Variants in FASLG observed in about 807,000 individuals in gnomAD.
FASLG encodes tumor necrosis factor ligand superfamily member 6.
Under a neutral mutation model 24.6 loss-of-function variants are expected in FASLG, and 9 were observed. That is an observed-to-expected ratio of 0.37 (90% CI 0.22 to 0.64). The LOEUF (loss-of-function observed/expected upper bound fraction) is 0.64. Ranked by LOEUF, FASLG falls within the 30% of genes least tolerant of loss-of-function variation. FASLG has a pLI of 0.64. For missense variants in FASLG, 306 were observed against 345.3 expected, an observed-to-expected ratio of 0.89 and a Z score of 0.90; for synonymous variants, 130 against 135.5, an observed-to-expected ratio of 0.96 and a Z score of 0.28.
intron 2 of FASLG, 34 bp downstream of exon 2, chr1:172,660,174 A>G (rs1360675836): frequency 1.2e-6 from 2 of 1,602,874 alleles, no homozygotes; most frequent in Non-Finnish European, 1.7e-6. Context: ...TTGAGTTCCC[A>G]AAGATGATCC....
chr1:172,661,069 G>A (rs1659126369), intron 2 of FASLG, among the ~76,000 whole-genome samples: 1 of 152,216 alleles, frequency 6.6e-6, no homozygotes, highest in Non-Finnish European at 1.5e-5. Context: ...GGGCTAGAAG[G>A]AACACAGGCT....
intron 2 of FASLG, among the ~76,000 whole-genome samples, chr1:172,661,840 T>C (rs1360724098): frequency 2.6e-5 from 4 of 152,194 alleles, no homozygotes; most frequent in East Asian, 3.8e-4. Context: ...CCAGTATACA[T>C]GTAAATTGCT....
At chr1:172,659,854 T>A (rs1448615563) in intron 1 of FASLG, among the ~76,000 whole-genome samples, 2 of 152,162 alleles carry the variant, frequency 1.3e-5, no homozygotes, top group Non-Finnish European at 2.9e-5. Flanking sequence ...AACAAAACTT[T>A]TAAGTTTTGC....
rs1332087472 is a variant in FASLG, at chr1:172,660,145, G to A, written c.394+5G>A. 1.2e-6 allele frequency: 2 copies of A among 1,613,738 alleles called. No individual in the cohort carries two copies. Among genetic ancestry groups the A allele is most frequent in the African/African-American group, 1.3e-5 (1 of 74,898 alleles). On this transcript the variant is annotated splice_donor_5th_base_variant and intron_variant, in intron 2 of 3. Transcript: ENST00000367721. ...CATCTTTGGAGAAGCAAATAGGTGA[G>A]TCTTTTTTCGCATGTACATTGAGTT...
In FASLG at chr1:172,666,616, G is replaced by T. The variant is rs886045574; in HGVS notation, c.*600G>T. ...TGTGTATTTCCAGTGCAATTGTAGGGGTGTGTGTGTGTGTGTGTGTGTGTG... is the reference window on the plus strand; with the variant it reads ...TGTGTATTTCCAGTGCAATTGTAGGTGTGTGTGTGTGTGTGTGTGTGTGTG... On this transcript the variant is annotated 3_prime_UTR_variant, in exon 4 of 4. Coordinates refer to ENST00000367721, the MANE Select transcript of FASLG (RefSeq NM_000639.3). 172 of 150,304 alleles carry T rather than the reference G, an allele frequency of 1.1e-3. No homozygotes were observed. The highest frequency in any genetic ancestry group is 4.1e-3 in the African/African-American group (164 of 40,340). 9.3% of individuals were successfully genotyped at this position (150,304 alleles called of 1,614,324 possible).
Position 172,664,352 on chromosome 1 carries a change from C to T in FASLG, c.413C>T (p.Pro138Leu), listed in dbSNP as rs561262389. ...EKQIGHPSPP[P>L]EKKELRKVAH... Reference sequence around the variant, plus strand: ...GATACAGGCCACCCCAGTCCACCCCCTGAAAAAAAGGAGCTGAGGAAAGTG... The same window carrying T: ...GATACAGGCCACCCCAGTCCACCCCTTGAAAAAAAGGAGCTGAGGAAAGTG... Residue 138 changes from proline to leucine, a missense_variant, in exon 3 of 4, where the codon CCT becomes CTT. Pro to Leu is a moderately conservative substitution (Grantham distance 98, BLOSUM62 -3). Transcript: ENST00000367721. 2.5e-6 allele frequency: 4 copies of T among 1,613,954 alleles called. No homozygotes were observed. The African/African-American group carries it at 4.0e-5, about 16-fold the overall frequency.
chr1:172,666,255 G>A lies in FASLG; in HGVS notation c.*239G>A. 7.4e-6 allele frequency: 4 copies of A among 543,590 alleles called. No homozygotes were observed. The highest frequency in any genetic ancestry group is 3.3e-6 in the Non-Finnish European group (1 of 304,120). 33.7% of individuals were successfully genotyped at this position (543,590 alleles called of 1,614,324 possible). Reference sequence around the variant, plus strand: ...AGAACTCTGGGCTGCCATGTGAAGAGGGAGAAGCATGAAAAAGCAGCTACC... The same window carrying A: ...AGAACTCTGGGCTGCCATGTGAAGAAGGAGAAGCATGAAAAAGCAGCTACC... On this transcript the variant is annotated 3_prime_UTR_variant, in exon 4 of 4. Coordinates refer to ENST00000367721, the MANE Select transcript of FASLG (RefSeq NM_000639.3).
At chr1:172,664,289 T>G (rs542772562) in intron 2 of FASLG, 45 bp from the exon 3 acceptor site, 1 of 1,580,486 alleles carries the variant, frequency 6.3e-7, no homozygotes, top group Admixed American at 1.7e-5. Flanking sequence ...AAATAATAGT[T>G]GCTATTTCAT....
intron 3 of FASLG, 78 bp from the exon 4 acceptor site, chr1:172,665,544 C>T: frequency 3.2e-6 from 5 of 1,543,692 alleles, no homozygotes; most frequent in Admixed American, 3.3e-5. Flanking sequence ...AGGAAGGGCC[C>T]ACAGTTTTGC....
At chr1:172,664,450 C>T (rs988553293) in intron 3 of FASLG, 60 bp downstream of exon 3, 2 of 1,550,256 alleles carry the variant, frequency 1.3e-6, no homozygotes, top group African/African-American at 2.7e-5. Context: ...GGCAAAATGG[C>T]TGCCTGGTTT....
Position 172,665,704 on chromosome 1 carries a change from G to C in FASLG, c.534G>C (p.Lys178Asn). The C allele has an allele frequency of 6.2e-7, 1 of 1,614,186 alleles. No homozygotes were observed. Among genetic ancestry groups the C allele is most frequent in the Non-Finnish European group, 8.5e-7 (1 of 1,180,030 alleles). Residue 178 changes from lysine (K) to asparagine (N), a missense_variant, in exon 4 of 4, where the codon AAG (lysine) becomes AAC (asparagine). Coordinates refer to ENST00000367721, the MANE Select transcript of FASLG (RefSeq NM_000639.3). Reference sequence around the variant, plus strand: ...TGCTTTCTGGAGTGAAGTATAAGAAGGGTGGCCTTGTGATCAATGAAACTG... The same window carrying C: ...TGCTTTCTGGAGTGAAGTATAAGAACGGTGGCCTTGTGATCAATGAAACTG... ...IVLLSGVKYKKGGLVINETGL... is the reference protein window; with the variant it reads ...IVLLSGVKYKNGGLVINETGL...
chr1:172,665,674 T>A lies in FASLG; in HGVS notation c.504T>A (p.Ile168=). Residue 168 remains isoleucine, a synonymous_variant, in exon 4 of 4, where the codon ATT becomes ATA. Coordinates refer to ENST00000367721, the MANE Select transcript of FASLG (RefSeq NM_000639.3). ...MPLEWEDTYG[I]VLLSGVKYKK... is the part of the protein sequence containing the mutation. Reference sequence around the variant, plus strand: ...TGGAATGGGAAGACACCTATGGAATTGTCCTGCTTTCTGGAGTGAAGTATA... The same window carrying A: ...TGGAATGGGAAGACACCTATGGAATAGTCCTGCTTTCTGGAGTGAAGTATA... 6.2e-7 allele frequency: 1 copy of A among 1,614,196 alleles called. No homozygotes were observed. Among genetic ancestry groups the A allele is most frequent in the Non-Finnish European group, 8.5e-7 (1 of 1,180,044 alleles).
chr1:172,661,555 C>T (rs1344864284), intron 2 of FASLG, among the ~76,000 whole-genome samples: 1 of 152,160 alleles, frequency 6.6e-6, no homozygotes, highest in East Asian at 1.9e-4. Flanking sequence ...ATCTTTCACC[C>T]ACTCTCTGGA....
intron 2 of FASLG, 42 bp downstream of exon 2, chr1:172,660,182 TC>T (rs768768927): frequency 1.3e-6 from 2 of 1,584,892 alleles, no homozygotes; most frequent in Admixed American, 1.7e-5. Context: ...CCAAAGATGA[TC>T]CTCAGCACAG....
chr1:172,662,214 T>C (rs1659157454), intron 2 of FASLG, among the ~76,000 whole-genome samples: 1 of 152,210 alleles, frequency 6.6e-6, no homozygotes, highest in Non-Finnish European at 1.5e-5. Context: ...ATACTGACTA[T>C]GTAACCATGT....
At chr1:172,664,810 G>A (rs1020066844) in intron 3 of FASLG, among the ~76,000 whole-genome samples, 12 of 152,214 alleles carry the variant, frequency 7.9e-5, no homozygotes, top group African/African-American at 2.9e-4. Context: ...AGTGAGAAGG[G>A]AGACTCAATC....
intron 2 of FASLG, 69 bp downstream of exon 2, chr1:172,660,209 A>G (rs910696405): frequency 6.8e-7 from 1 of 1,474,464 alleles, no homozygotes; most frequent in East Asian, 2.3e-5. Flanking sequence ...TGTTAATGGA[A>G]TGCCTTAAAT....
Position 172,666,197 on chromosome 1 carries a change from C to A in FASLG, c.*181C>A, listed in dbSNP as rs1558235495. ...CCTCAACTCACCTAATGTTTATGAG[C>A]CAGACAAATGGAGGAATATGACGGA... On this transcript the variant is annotated 3_prime_UTR_variant, in exon 4 of 4. Transcript: ENST00000367721. 1 of 658,050 alleles carries A rather than the reference C, an allele frequency of 1.5e-6. No individual in the cohort carries two copies. The highest frequency in any genetic ancestry group is 1.8e-5 in the African/African-American group (1 of 55,104). 40.8% of individuals were successfully genotyped at this position (658,050 alleles called of 1,614,324 possible). A position where few individuals can be genotyped will look rare whatever the true frequency, so the allele number is the denominator to read the frequency against.
intron 2 of FASLG, among the ~76,000 whole-genome samples, chr1:172,662,301 C>G (rs1309631257): frequency 1.7e-5 from 1 of 59,682 alleles, no homozygotes; most frequent in Middle Eastern, 7.6e-3. Flanking sequence ...CTGGGAGATA[C>G]TATTATAGAT....
Sources: gnomAD v4.1 joint callset for allele counts (sites outside exome capture counted in the v4.1 genomes callset) on GRCh38, gnomAD v4.1.1 for gene constraint, MANE v1.5 for transcripts, NCBI Gene and HGNC (gene_info 2026-07-23, HGNC 2026-07-21) for gene names.